The following CHID1 variants were observed in gnomAD, a reference collection of about 807,000 sequenced individuals.
CHID1 encodes chitinase domain-containing protein 1.
CHID1 carries 44 observed loss-of-function variants against 55.4 expected under a neutral mutation model. That is an observed-to-expected ratio of 0.79 (90% CI 0.62 to 1.02). CHID1 has a LOEUF of 1.02. Ranked by LOEUF, CHID1 falls within the 50% of genes least tolerant of loss-of-function variation. CHID1 has a pLI of 0.00. For missense variants in CHID1, 491 were observed against 515.3 expected, an observed-to-expected ratio of 0.95 and a Z score of 0.46; for synonymous variants, 216 against 212.9, an observed-to-expected ratio of 1.01 and a Z score of -0.13.
At position 875,668 on chromosome 11, in the gene CHID1, G is replaced by A. The variant is rs117154955; in HGVS notation, c.960-5169C>T. On this transcript the variant is annotated intron_variant, in intron 10 of 12. Coordinates refer to ENST00000323578, the MANE Select transcript of CHID1 (RefSeq NM_023947.4). This position sits in a 1 kb window ranked among gnomAD's most constrained non-coding sequence, Gnocchi z 4.7. ...GTCCTGGGGTGGCCATGAGGGGCTC[G>A]CCACACCATTCTATGCACTTCTATG... 2.0e-5 allele frequency among the ~76,000 whole-genome samples: 3 copies of A among 152,252 alleles called. No individual in the cohort carries two copies. The highest frequency in any genetic ancestry group is 4.4e-5 in the Non-Finnish European group (3 of 68,020).
chr11:878,597 C>G (rs1013338417), intron 10 of CHID1, among the ~76,000 whole-genome samples: 3 of 151,930 alleles, frequency 2.0e-5, no homozygotes, highest in Non-Finnish European at 4.4e-5. Context: ...TTATAAAGTA[C>G]TCAGTTTCAG....
At chr11:885,747 G>A (rs1850343593) in intron 8 of CHID1, among the ~76,000 whole-genome samples, 1 of 152,154 alleles carries the variant, frequency 6.6e-6, no homozygotes, top group Non-Finnish European at 1.5e-5. Context: ...TTTTATTTCT[G>A]AGATGGGGTC....
upstream of CHID1, chr11:914,931 A>C (rs1034797663): frequency 4.3e-6 from 1 of 230,610 alleles, no homozygotes; most frequent in Non-Finnish European, 8.7e-6. Context: ...TCTAACTAGG[A>C]GACCTTGGCC....
In CHID1 at chr11:903,001, G is replaced by C; in HGVS notation, c.222C>G (p.Asp74Glu). 1 of 1,614,012 alleles carries C rather than the reference G, an allele frequency of 6.2e-7. No homozygotes were observed. The highest frequency in any genetic ancestry group is 8.5e-7 in the Non-Finnish European group (1 of 1,180,012). ...HRSYCSAKAR[D>E]RHFAGDVLGY... is the part of the protein sequence containing the mutation. ...CCAGTACATCCCCAGCAAAGTGTCT[G>C]TCCCGGGCCTTTGCCGAGCAGTAGC... is the stretch of plus-strand genomic sequence containing the variant. Residue 74 changes from aspartate to glutamate, a missense_variant, in exon 3 of 13, where the codon GAC becomes GAG. By Grantham distance (45) the Asp-to-Glu change is conservative. Coordinates refer to ENST00000323578, the MANE Select transcript of CHID1 (RefSeq NM_023947.4).
intron 7 of CHID1, among the ~76,000 whole-genome samples, chr11:898,966 A>C (rs2134298162): frequency 6.6e-6 from 1 of 152,318 alleles, no homozygotes; most frequent in African/African-American, 2.4e-5. Context: ...AAGCTCAGTG[A>C]GGAGTTTCTG....
At chr11:892,404 A>G (rs1850907564) in intron 8 of CHID1, among the ~76,000 whole-genome samples, 1 of 152,226 alleles carries the variant, frequency 6.6e-6, no homozygotes, top group Admixed American at 6.5e-5. Flanking sequence ...GCCTGGTCAC[A>G]GGCAGAGGGA....
intron 1 of CHID1, among the ~76,000 whole-genome samples, chr11:909,642 A>G (rs541865314): frequency 9.9e-5 from 15 of 151,390 alleles, no homozygotes; most frequent in Non-Finnish European, 2.2e-4. Flanking sequence ...GTGTAGAGCG[A>G]CAGCAGCCAA....
Position 893,455 on chromosome 11 carries a change from G to T in CHID1, c.673C>A (p.Leu225Met). The part of the protein sequence containing the change: ...ALHQARLLAL[L>M]VIPPAITPGT... The stretch of plus-strand genomic sequence containing the variant: ...GGGGTGATGGCAGGCGGGATGACCA[G>T]GAGGGCCAGCAGCCGGGCCTGGTGC... Residue 225 changes from leucine to methionine, a missense_variant, in exon 8 of 13, where the codon CTG becomes ATG. Coordinates refer to ENST00000323578, the MANE Select transcript of CHID1 (RefSeq NM_023947.4). 1 of 1,551,828 alleles carries T rather than the reference G, an allele frequency of 6.4e-7. No individual in the cohort carries two copies. Among genetic ancestry groups the T allele is most frequent in the East Asian group, 2.4e-5 (1 of 41,518 alleles).
intron 10 of CHID1, among the ~76,000 whole-genome samples, chr11:880,037 G>C (rs950140247): frequency 2.0e-5 from 3 of 152,224 alleles, no homozygotes; most frequent in African/African-American, 4.8e-5. Flanking sequence ...TGAAAGAACA[G>C]ACAGTTGGGC....
intron 4 of CHID1, 96 bp from the exon 5 acceptor site, chr11:901,076 G>T: frequency 8.6e-7 from 1 of 1,166,942 alleles, no homozygotes; most frequent in Non-Finnish European, 1.2e-6. Flanking sequence ...CGCACAATAC[G>T]CAATGGGAAG....
intron 10 of CHID1, 39 bp downstream of exon 10, chr11:883,109 G>GT (rs777817759): frequency 1.9e-6 from 3 of 1,591,926 alleles, no homozygotes; most frequent in Non-Finnish European, 2.6e-6. Context: ...CCCGCGCCCA[G>GT]TGACACCTTC....
intron 8 of CHID1, among the ~76,000 whole-genome samples, chr11:892,603 C>G (rs1850926575): frequency 6.6e-6 from 1 of 152,232 alleles, no homozygotes; most frequent in Non-Finnish European, 1.5e-5. Context: ...TAAGCACTGC[C>G]TGCCCCAGCT....
intron 8 of CHID1, among the ~76,000 whole-genome samples, chr11:890,424 A>G (rs999185757): frequency 1.3e-5 from 2 of 152,212 alleles, no homozygotes; most frequent in Admixed American, 6.5e-5. Flanking sequence ...CCGGCCCTGA[A>G]CCACGGGGCT....
At chr11:894,838 G>A (rs1380368095) in intron 7 of CHID1, among the ~76,000 whole-genome samples, 2 of 152,326 alleles carry the variant, frequency 1.3e-5, no homozygotes, top group South Asian at 2.1e-4. Context: ...TGCAACTGCT[G>A]CATAGTGGCA....
intron 8 of CHID1, among the ~76,000 whole-genome samples, chr11:891,732 C>A (rs114736751): frequency 6.6e-6 from 1 of 152,158 alleles, no homozygotes; most frequent in African/African-American, 2.4e-5. Context: ...CTCCCAACCA[C>A]CTGAGACAGG....
At chr11:884,013 C>T (rs1239936923) in intron 9 of CHID1, 55 bp downstream of exon 9, 2 of 1,366,640 alleles carry the variant, frequency 1.5e-6, no homozygotes, top group African/African-American at 1.4e-5. Flanking sequence ...GGTCCACACT[C>T]ACTGCTGCAC....
At chr11:891,429 G>T (rs1850811702) in intron 8 of CHID1, among the ~76,000 whole-genome samples, 1 of 152,226 alleles carries the variant, frequency 6.6e-6, no homozygotes. Context: ...GGGGTGAGGG[G>T]CAGGGACCTG....
chr11:869,643 G>C lies in CHID1; in HGVS notation c.*215C>G, dbSNP rs1278924132. 2 of 589,342 alleles carry C rather than the reference G, an allele frequency of 3.4e-6. No individual in the cohort carries two copies. The highest frequency in any genetic ancestry group is 2.8e-5 in the East Asian group (1 of 35,426). The allele number at this position is 589,342 out of a possible 1,614,324, so 36.5% of individuals were successfully genotyped here. A position where few individuals can be genotyped will look rare whatever the true frequency, so the allele number is the denominator to read the frequency against. On this transcript the variant is annotated 3_prime_UTR_variant, in exon 13 of 13. Coordinates refer to ENST00000323578, the MANE Select transcript of CHID1 (RefSeq NM_023947.4). ...GCAGCCAGCGGATGCCCGGGTGGGAGGGGCTCGAGCTCTCAGGGTGTCCCC... is the reference window on the plus strand; with the variant it reads ...GCAGCCAGCGGATGCCCGGGTGGGACGGGCTCGAGCTCTCAGGGTGTCCCC...
chr11:893,286 C>A lies in CHID1; in HGVS notation c.701+141G>T. The A allele has an allele frequency of 4.8e-6, 3 of 620,030 alleles. No homozygotes were observed. In the East Asian group the frequency reaches 9.0e-5, roughly 19 times the overall value. 38.4% of individuals were successfully genotyped at this position (620,030 alleles called of 1,614,324 possible). A position where few individuals can be genotyped will look rare whatever the true frequency, so the allele number is the denominator to read the frequency against. On this transcript the variant is annotated intron_variant, in intron 8 of 12. Coordinates refer to ENST00000323578, the MANE Select transcript of CHID1 (RefSeq NM_023947.4). ...CAGCACAGGGGCACAGAGTGTGTGG[C>A]AGCTGAAGCCTCTATACAGACGGGA...
Sources: gnomAD v4.1 joint callset for allele counts (sites outside exome capture counted in the v4.1 genomes callset) on GRCh38, gnomAD v4.1.1 for gene constraint, Gnocchi (gnomAD v3.1) non-coding constraint, MANE v1.5 for transcripts, NCBI Gene and HGNC (gene_info 2026-07-23, HGNC 2026-07-21) for gene names.